DLG2: variants seen among roughly 807,000 people sequenced by gnomAD.
DLG2 encodes the protein discs large MAGUK scaffold protein 2.
DLG2 carries 45 observed loss-of-function variants against 132.5 expected under a neutral mutation model. That is an observed-to-expected ratio of 0.34 (90% CI 0.27 to 0.44). The LOEUF (loss-of-function observed/expected upper bound fraction) is 0.44. Ranked by LOEUF, DLG2 falls within the 20% of genes least tolerant of loss-of-function variation. The pLI, the probability that DLG2 is intolerant of heterozygous loss-of-function variation, is 1.00. For missense variants in DLG2, 1,045 were observed against 1,196.9 expected, an observed-to-expected ratio of 0.87 and a Z score of 1.87; for synonymous variants, 424 against 419.6, an observed-to-expected ratio of 1.01 and a Z score of -0.13.
At chr11:85,262,766 T>G (rs1411296533) in intron 4 of DLG2, among the ~76,000 whole-genome samples, 1 of 152,182 alleles carries the variant, frequency 6.6e-6, no homozygotes, top group South Asian at 2.1e-4. Context: ...TTCCAGGCCT[T>G]CTCCCTGTAC....
chr11:85,415,010 AG>A (rs2152986214), intron 3 of DLG2, among the ~76,000 whole-genome samples: 1 of 151,886 alleles, frequency 6.6e-6, no homozygotes, highest in Admixed American at 6.6e-5. Flanking sequence ...TCCTTCCCCT[AG>A]CCCCACACCC....
intron 10 of DLG2, among the ~76,000 whole-genome samples, chr11:84,082,642 T>C (rs2096921310): frequency 2.0e-5 from 3 of 152,214 alleles, no homozygotes. Flanking sequence ...GATTCTTAAA[T>C]ATATGTTCAG....
At chr11:84,160,044 A>G (rs573529395) in intron 9 of DLG2, among the ~76,000 whole-genome samples, 21 of 152,268 alleles carry the variant, frequency 1.4e-4, no homozygotes, top group Admixed American at 1.3e-3. Context: ...GGGCTTTCTT[A>G]ATAATCAAGC....
chr11:84,184,221 G>C (rs1303080346), intron 8 of DLG2, among the ~76,000 whole-genome samples: 1 of 152,016 alleles, frequency 6.6e-6, no homozygotes, highest in African/African-American at 2.4e-5. Flanking sequence ...ATTTCTCCAC[G>C]TCCTCTCCAG....
At chr11:83,831,647 C>G (rs1191544038) in intron 17 of DLG2, among the ~76,000 whole-genome samples, 1 of 152,026 alleles carries the variant, frequency 6.6e-6, no homozygotes, top group Non-Finnish European at 1.5e-5. Flanking sequence ...AAATCACAGC[C>G]ATAAAATGAA....
chr11:84,886,588 T>C (rs1346722722), intron 6 of DLG2, among the ~76,000 whole-genome samples: 2 of 152,154 alleles, frequency 1.3e-5, no homozygotes, highest in Non-Finnish European at 2.9e-5. Flanking sequence ...ATATTCGTTG[T>C]GTATAAACTT....
intron 8 of DLG2, among the ~76,000 whole-genome samples, chr11:84,220,872 C>G: frequency 1.3e-3 from 1 of 768 alleles, no homozygotes; most frequent in East Asian, 0.056. Flanking sequence ...GTTTTCACCT[C>G]CAGGCTCAAG....
chr11:85,244,327 C>T (rs1009929976), intron 4 of DLG2, among the ~76,000 whole-genome samples: 9 of 151,720 alleles, frequency 5.9e-5, no homozygotes, highest in African/African-American at 1.2e-4. Context: ...AAAGTTTATG[C>T]GAGGAAAGGA....
At chr11:84,730,089 T>C (rs2062977834) in intron 6 of DLG2, among the ~76,000 whole-genome samples, 1 of 152,040 alleles carries the variant, frequency 6.6e-6, no homozygotes, top group Non-Finnish European at 1.5e-5. Context: ...GAGAATATTC[T>C]TAGTGGCAAA....
intron 4 of DLG2, among the ~76,000 whole-genome samples, chr11:85,168,535 G>T (rs1019728573): frequency 6.6e-6 from 1 of 152,054 alleles, no homozygotes; most frequent in Non-Finnish European, 1.5e-5. Context: ...TTATGCCAAA[G>T]AATTCAGATT....
intron 3 of DLG2, among the ~76,000 whole-genome samples, chr11:85,511,299 C>T (rs889289624): frequency 6.6e-6 from 1 of 151,776 alleles, no homozygotes; most frequent in Non-Finnish European, 1.5e-5. Context: ...GTGCAGCATA[C>T]CAACATGGCA....
At chr11:84,380,151 T>C (rs1359479121) in intron 7 of DLG2, among the ~76,000 whole-genome samples, 1 of 152,034 alleles carries the variant, frequency 6.6e-6, no homozygotes, top group Non-Finnish European at 1.5e-5. Context: ...TTATGACCAT[T>C]ACTGAAATTT....
chr11:83,460,385 G>T (rs2089671062), intron 27 of DLG2, among the ~76,000 whole-genome samples: 1 of 152,190 alleles, frequency 6.6e-6, no homozygotes, highest in Admixed American at 6.5e-5. Flanking sequence ...AAATAATGAA[G>T]ATTTTAGAGG....
intron 14 of DLG2, among the ~76,000 whole-genome samples, chr11:83,934,988 T>C (rs73508274): frequency 0.013 from 2,039 of 152,336 alleles, 42 homozygotes; most frequent in African/African-American, 0.047. Context: ...TATATGATTT[T>C]GAGCATAAAT....
intron 15 of DLG2, among the ~76,000 whole-genome samples, chr11:83,903,001 C>G: frequency 6.6e-6 from 1 of 152,078 alleles, no homozygotes; most frequent in East Asian, 1.9e-4. Flanking sequence ...ATAGCACCGT[C>G]CATACAACAA....
At chr11:85,359,596 C>T (rs893994214) in intron 3 of DLG2, among the ~76,000 whole-genome samples, 5 of 152,098 alleles carry the variant, frequency 3.3e-5, no homozygotes, top group African/African-American at 1.2e-4. Context: ...ACCTCTTAAT[C>T]AACTAGAGGT....
chr11:83,548,907 C>T (rs2096307728), intron 19 of DLG2, among the ~76,000 whole-genome samples: 1 of 152,152 alleles, frequency 6.6e-6, no homozygotes, highest in Non-Finnish European at 1.5e-5. Flanking sequence ...TCCTTTACTA[C>T]ATCAGAAACA....
intron 16 of DLG2, among the ~76,000 whole-genome samples, chr11:83,857,408 G>A (rs571467535): frequency 6.6e-6 from 1 of 152,178 alleles, no homozygotes; most frequent in Non-Finnish European, 1.5e-5. Context: ...GTGTTGGGAA[G>A]TATTGCTGTT....
intron 6 of DLG2, among the ~76,000 whole-genome samples, chr11:85,028,174 A>G (rs1265455051): frequency 1.3e-5 from 2 of 152,108 alleles, no homozygotes; most frequent in African/African-American, 4.8e-5. Flanking sequence ...TCCTGACAAG[A>G]CAACAGCAAC....
Sources: allele counts gnomAD v4.1 joint callset (sites outside exome capture counted in the v4.1 genomes callset), GRCh38; gene constraint gnomAD v4.1.1; transcripts MANE v1.5; gene names NCBI Gene and HGNC (gene_info 2026-07-23, HGNC 2026-07-21).